The following PARM1 variants were observed in gnomAD, a reference collection of about 807,000 sequenced individuals.
PARM1 encodes the protein prostate androgen-regulated mucin-like protein 1, also known as WSC4, cell wall integrity and stress response component 4 homolog.
PARM1 carries 14 observed loss-of-function variants against 24.6 expected under a neutral mutation model. That is an observed-to-expected ratio of 0.57 (90% confidence interval 0.38 to 0.89). The LOEUF (loss-of-function observed/expected upper bound fraction) is 0.89. PARM1 is among the 40% of genes least tolerant of loss of function. The probability of loss-of-function intolerance (pLI) is 0.00; values close to 1 mark genes in which losing one functional copy is unlikely to be tolerated. For missense variants in PARM1, 362 were observed against 380.4 expected, an observed-to-expected ratio of 0.95 and a Z score of 0.40; for synonymous variants, 179 against 156.6, an observed-to-expected ratio of 1.14 and a Z score of -1.07.
chr4:75,007,324 C>G (rs17000078), intron 1 of PARM1, among the ~76,000 whole-genome samples: 15,421 of 152,162 alleles, frequency 0.1, 1,228 homozygotes, highest in African/African-American at 0.22. Flanking sequence ...GTCTCACATG[C>G]GCTCCTCATT....
intron 1 of PARM1, among the ~76,000 whole-genome samples, chr4:74,941,793 G>A (rs1179988911): frequency 2.0e-5 from 3 of 152,206 alleles, no homozygotes; most frequent in Middle Eastern, 3.2e-3. Flanking sequence ...CTCAGTTAAG[G>A]AGGGCAAAGT....
At chr4:74,979,139 C>A (rs536411130) in intron 1 of PARM1, among the ~76,000 whole-genome samples, 1 of 151,400 alleles carries the variant, frequency 6.6e-6, no homozygotes, top group Non-Finnish European at 1.5e-5. Context: ...GAGACGCACA[C>A]ACACACACAA....
intron 1 of PARM1, among the ~76,000 whole-genome samples, chr4:74,992,935 A>G (rs1722508271): frequency 6.6e-6 from 1 of 152,148 alleles, no homozygotes; most frequent in Non-Finnish European, 1.5e-5. Flanking sequence ...AAAAATAATA[A>G]TAGTGTGTTA....
intron 1 of PARM1, among the ~76,000 whole-genome samples, chr4:74,934,683 G>A (rs181708375): frequency 1.3e-5 from 2 of 152,186 alleles, no homozygotes. Flanking sequence ...GCCTAGGTCC[G>A]GCAGGTGCAA....
intron 2 of PARM1, among the ~76,000 whole-genome samples, chr4:75,020,424 A>G (rs967822954): frequency 6.6e-6 from 1 of 151,448 alleles, no homozygotes; most frequent in Non-Finnish European, 1.5e-5. Context: ...AAATTCATCT[A>G]CTTCTCTTCA....
intron 1 of PARM1, among the ~76,000 whole-genome samples, chr4:74,990,416 AGCT>A (rs1722443862): frequency 6.6e-6 from 1 of 152,148 alleles, no homozygotes; most frequent in African/African-American, 2.4e-5. Context: ...AAAGTTTTGC[AGCT>A]GCAATGTAAA....
chr4:74,948,791 G>A (rs1466476907), intron 1 of PARM1, among the ~76,000 whole-genome samples: 1 of 152,222 alleles, frequency 6.6e-6, no homozygotes, highest in African/African-American at 2.4e-5. Flanking sequence ...GGGAGGCCGA[G>A]GCGGGTGGAT....
intron 2 of PARM1, among the ~76,000 whole-genome samples, chr4:75,029,254 G>T (rs1263590508): frequency 6.6e-6 from 1 of 152,170 alleles, no homozygotes; most frequent in African/African-American, 2.4e-5. Context: ...CAGTGGAGTA[G>T]TGGCCGACAA....
intron 2 of PARM1, among the ~76,000 whole-genome samples, chr4:75,031,329 A>G (rs547393563): frequency 1.3e-5 from 2 of 152,338 alleles, no homozygotes; most frequent in South Asian, 4.1e-4. Context: ...AACTCTTAGA[A>G]GTGCCCCTTT....
At chr4:75,002,393 AGAT>A (rs1722697289) in intron 1 of PARM1, among the ~76,000 whole-genome samples, 1 of 152,212 alleles carries the variant, frequency 6.6e-6, no homozygotes, top group Non-Finnish European at 1.5e-5. Flanking sequence ...ACTAGGCAAC[AGAT>A]GTCTGAATTT....
intron 1 of PARM1, among the ~76,000 whole-genome samples, chr4:75,009,455 C>T (rs1722828732): frequency 6.6e-6 from 1 of 152,136 alleles, no homozygotes; most frequent in South Asian, 2.1e-4. Flanking sequence ...TTGGCCTTTA[C>T]CTATTTGACA....
chr4:75,010,570 G>A (rs938265578), intron 1 of PARM1, among the ~76,000 whole-genome samples: 2 of 152,178 alleles, frequency 1.3e-5, no homozygotes, highest in Admixed American at 1.3e-4. Context: ...ACAGGCTAGA[G>A]TAGAAAAGAA....
At chr4:75,011,413 A>G (rs1344397088) in intron 1 of PARM1, among the ~76,000 whole-genome samples, 1 of 152,046 alleles carries the variant, frequency 6.6e-6, no homozygotes, top group African/African-American at 2.4e-5. Flanking sequence ...TAACTGCGCA[A>G]CCGGGTGAAT....
chr4:75,001,555 A>G (rs1722681136), intron 1 of PARM1, among the ~76,000 whole-genome samples: 1 of 152,242 alleles, frequency 6.6e-6, no homozygotes, highest in South Asian at 2.1e-4. Context: ...TAGCACAGGT[A>G]TACACATGTA....
At chr4:74,933,411 G>T (rs1284541001) in intron 1 of PARM1, 41 bp downstream of exon 1, 4 of 1,582,190 alleles carry the variant, frequency 2.5e-6, no homozygotes, top group African/African-American at 1.3e-5. Context: ...GTCGCGGGGT[G>T]GGCCCCAGTA....
At chr4:74,938,468 G>C (rs1378173412) in intron 1 of PARM1, among the ~76,000 whole-genome samples, 1 of 152,162 alleles carries the variant, frequency 6.6e-6, no homozygotes, top group African/African-American at 2.4e-5. Context: ...AAATGAAGCA[G>C]TTTCTTGGAA....
chr4:74,957,902 C>T (rs1721675830), intron 1 of PARM1, among the ~76,000 whole-genome samples: 1 of 152,140 alleles, frequency 6.6e-6, no homozygotes, highest in African/African-American at 2.4e-5. Context: ...CCTCTCATTG[C>T]AGGCAGGTAG....
intron 1 of PARM1, among the ~76,000 whole-genome samples, chr4:74,999,749 A>C (rs999100416): frequency 1.3e-5 from 2 of 152,186 alleles, no homozygotes; most frequent in Non-Finnish European, 2.9e-5. Context: ...TTATACCTCA[A>C]AGCACTGATA....
At chr4:74,985,901 TGG>T (rs746761935) in intron 1 of PARM1, among the ~76,000 whole-genome samples, 24 of 152,170 alleles carry the variant, frequency 1.6e-4, no homozygotes, top group Non-Finnish European at 2.9e-4. Context: ...CCTGAGTAGC[TGG>T]GACTACAGGT....
Sources: gnomAD v4.1 joint callset for allele counts (sites outside exome capture counted in the v4.1 genomes callset) on GRCh38, gnomAD v4.1.1 for gene constraint, MANE v1.5 for transcripts, NCBI Gene and HGNC (gene_info 2026-07-23, HGNC 2026-07-21) for gene names.